Variants in PTPRC observed in about 807,000 individuals in gnomAD.
PTPRC encodes receptor-type tyrosine-protein phosphatase C.
A neutral mutation model predicts 155.9 loss-of-function variants in PTPRC; 44 were observed. That is an observed-to-expected ratio of 0.28 (90% confidence interval 0.22 to 0.36). PTPRC has a LOEUF of 0.36. PTPRC is among the 10% of genes least tolerant of loss of function. The pLI is 1.00. For synonymous variants in PTPRC, 525 were observed against 533.1 expected (o/e 0.98, Z 0.21); for missense variants, 1,401 against 1,564.6 (o/e 0.90, Z 1.76).
Position 198,756,202 on chromosome 1 carries a change from A to ATATTG in PTPRC, c.*21_*22insTATTG. ...CATAGGAAAAGACATAAATGAGGAA[A>ATATTG]CTCCAAACCTCCTGTTAGCTGTTAT... is the stretch of plus-strand genomic sequence containing the variant. On this transcript the variant is annotated 3_prime_UTR_variant, in exon 33 of 33. Transcript: ENST00000442510. 1 of 1,612,402 alleles carries ATATTG rather than the reference A, an allele frequency of 6.2e-7. No individual in the cohort carries two copies. The highest frequency in any genetic ancestry group is 2.2e-5 in the East Asian group (1 of 44,648).
chr1:198,756,057 G>C lies in PTPRC; in HGVS notation c.3797G>C (p.Gly1266Ala), dbSNP rs1558043475. 2 of 1,613,392 alleles carry C rather than the reference G, an allele frequency of 1.2e-6. No individual in the cohort carries two copies. Among genetic ancestry groups the C allele is most frequent in the Admixed American group, 3.3e-5 (2 of 59,888 alleles). Residue 1266 changes from glycine to alanine, a missense_variant, in exon 33 of 33, where the codon GGT becomes GCT. Transcript: ENST00000442510. ...KQDANCVNPLGAPEKLPEAKE... is the reference protein window; with the variant it reads ...KQDANCVNPLAAPEKLPEAKE... ...GATGCTAATTGTGTTAATCCACTTG[G>C]TGCCCCAGAAAAGCTCCCTGAAGCA...
intron 4 of PTPRC, among the ~76,000 whole-genome samples, chr1:198,698,595 T>C (rs1053669252): frequency 6.6e-6 from 1 of 151,980 alleles, no homozygotes; most frequent in African/African-American, 2.4e-5. Context: ...ACAATGACCA[T>C]CCATGTGCAT....
intron 2 of PTPRC, among the ~76,000 whole-genome samples, chr1:198,644,238 C>A (rs1662807873): frequency 6.6e-6 from 1 of 151,724 alleles, no homozygotes; most frequent in Admixed American, 6.6e-5. Context: ...GTCTAAATAT[C>A]TTTGTAAGTA....
chr1:198,696,451 T>G (rs1666208123), intron 3 of PTPRC, among the ~76,000 whole-genome samples: 1 of 152,160 alleles, frequency 6.6e-6, no homozygotes, highest in Admixed American at 6.5e-5. Flanking sequence ...TAGCTTGTTT[T>G]AGATCTGTGT....
chr1:198,742,235 T>C lies in PTPRC; in HGVS notation c.2565T>C (p.Ala855=). The C allele has an allele frequency of 6.2e-7, 1 of 1,612,238 alleles. No individual in the cohort carries two copies. The highest frequency in any genetic ancestry group is 2.2e-5 in the East Asian group (1 of 44,798). The change falls in exon 25 of 33, where the codon GCT becomes GCC. Residue 855 remains alanine (A), a synonymous_variant. Transcript: ENST00000442510. The part of the protein sequence containing the change: ...FSGPIVVHCS[A]GVGRTGTYIG... ...TTTTTTTTGCTTGGTTTGCCAGTGC[T>C]GGTGTTGGGCGCACAGGAACCTATA...
chr1:198,655,489 C>A (rs557356727), intron 2 of PTPRC, among the ~76,000 whole-genome samples: 64 of 151,966 alleles, frequency 4.2e-4, no homozygotes, highest in Non-Finnish European at 8.7e-4. Flanking sequence ...GTTCTGTGGC[C>A]TGATACAATG....
chr1:198,690,554 T>C (rs1423987958), intron 2 of PTPRC, among the ~76,000 whole-genome samples: 1 of 152,110 alleles, frequency 6.6e-6, no homozygotes, highest in East Asian at 1.9e-4. Context: ...CACCCATCAA[T>C]GATATAAAAA....
chr1:198,655,136 A>G (rs1663485736), intron 2 of PTPRC, among the ~76,000 whole-genome samples: 1 of 151,850 alleles, frequency 6.6e-6, no homozygotes, highest in Admixed American at 6.6e-5. Context: ...GGTCTTTACT[A>G]TTTACTGAGA....
At chr1:198,750,672 C>A (rs1028313693) in intron 29 of PTPRC, 46 bp downstream of exon 29, 2 of 1,598,810 alleles carry the variant, frequency 1.3e-6, no homozygotes, top group Non-Finnish European at 1.7e-6. Context: ...TGTCATAAAA[C>A]GTCATTCTCT....
Position 198,712,991 on chromosome 1 carries a change from G to T in PTPRC, c.1210G>T (p.Ala404Ser). Residue 404 changes from alanine to serine, a missense_variant, in exon 12 of 33, where the codon GCT becomes TCT. Ala to Ser is a moderately conservative substitution (Grantham distance 99). This residue lies in a region of PTPRC where 867 missense variants were observed against 970.4 expected (regional missense o/e 0.89). Transcript: ENST00000442510. ...TCAGATTATTTTTTGTAGAAGTGAA[G>T]CTGCACATCAAGGAGTAATTACCTG... ...EPQIIFCRSEAAHQGVITWNP... is the reference protein window; with the variant it reads ...EPQIIFCRSESAHQGVITWNP... 1.9e-6 allele frequency: 3 copies of T among 1,613,680 alleles called. No individual in the cohort carries two copies. Among genetic ancestry groups the T allele is most frequent in the Non-Finnish European group, 2.5e-6 (3 of 1,179,714 alleles).
At chr1:198,751,838 C>T (rs1023938096) in intron 29 of PTPRC, among the ~76,000 whole-genome samples, 9 of 152,052 alleles carry the variant, frequency 5.9e-5, no homozygotes, top group Admixed American at 5.9e-4. Context: ...AGCCTCCTTC[C>T]TCAAGAACCA....
chr1:198,695,035 T>C (rs1666126940), intron 3 of PTPRC: 1 of 949,604 alleles, frequency 1.1e-6, no homozygotes. Flanking sequence ...TATGATCATT[T>C]TGCATTTCTG....
Position 198,707,044 on chromosome 1 carries a change from G to A in PTPRC, c.904+92G>A, listed in dbSNP as rs1653017799. 3 of 1,057,712 alleles carry A rather than the reference G, an allele frequency of 2.8e-6. No homozygotes were observed. The Admixed American group carries it at 5.6e-5, about 20-fold the overall frequency. The allele number at this position is 1,057,712 out of a possible 1,614,324, so 65.5% of individuals were successfully genotyped here. A position where few individuals can be genotyped will look rare whatever the true frequency, so the allele number is the denominator to read the frequency against. On this transcript the variant is annotated intron_variant, in intron 9 of 32. Coordinates refer to ENST00000442510, the MANE Select transcript of PTPRC (RefSeq NM_002838.5). ...CAGTGGTCACAGGAGCTAGTCTGGT[G>A]AGAGAACAGGGCTGAGGGAAAGGAA...
intron 11 of PTPRC, among the ~76,000 whole-genome samples, chr1:198,711,272 A>C (rs1439139835): frequency 6.6e-6 from 1 of 152,218 alleles, no homozygotes; most frequent in Non-Finnish European, 1.5e-5. Flanking sequence ...ATAACTAGAA[A>C]ATTTTAATGT....
intron 8 of PTPRC, among the ~76,000 whole-genome samples, chr1:198,704,960 G>C (rs766323547): frequency 6.6e-6 from 1 of 152,092 alleles, no homozygotes; most frequent in South Asian, 2.1e-4. Context: ...AAGTTTGTTG[G>C]TGAGGGGGAG....
At position 198,706,922 on chromosome 1, in the gene PTPRC, G is replaced by A. The variant is rs1679348723; in HGVS notation, c.874G>A (p.Asp292Asn). 1 of 1,610,472 alleles carries A rather than the reference G, an allele frequency of 6.2e-7. No homozygotes were observed. Among genetic ancestry groups the A allele is most frequent in the Non-Finnish European group, 8.5e-7 (1 of 1,176,860 alleles). ...ATCTCATAATTCATGTACTGCTCCT[G>A]ATAAGACATTAATATTAGATGTGCC... Reference protein sequence around the residue: ...SISHNSCTAPDKTLILDVPPG... With the variant: ...SISHNSCTAPNKTLILDVPPG... Residue 292 changes from aspartate to asparagine, a missense_variant, in exon 9 of 33, where the codon GAT becomes AAT. Physicochemically the swap from Asp to Asn is conservative, Grantham distance 23. Around this residue, in one of 3 missense-constraint regions of PTPRC, gnomAD observed 867 missense variants for 970.4 expected, o/e 0.89. Coordinates refer to ENST00000442510, the MANE Select transcript of PTPRC (RefSeq NM_002838.5).
intron 2 of PTPRC, among the ~76,000 whole-genome samples, chr1:198,687,182 G>T (rs1197778189): frequency 6.6e-6 from 1 of 152,084 alleles, no homozygotes; most frequent in East Asian, 1.9e-4. Flanking sequence ...AAGTAGAGAC[G>T]AGGTTTTGCA....
chr1:198,747,523 A>G (rs1416098632), intron 26 of PTPRC, among the ~76,000 whole-genome samples: 1 of 151,842 alleles, frequency 6.6e-6, no homozygotes, highest in African/African-American at 2.4e-5. Flanking sequence ...GAAGACAAAG[A>G]GGCCAGTTAG....
chr1:198,734,571 T>C (rs1044947896), intron 22 of PTPRC, 146 bp downstream of exon 22: 10 of 772,760 alleles, frequency 1.3e-5, no homozygotes, highest in Non-Finnish European at 2.2e-5. Flanking sequence ...AATTTAAAAT[T>C]TTCATACATG....
Sources: gnomAD v4.1 joint callset for allele counts (sites outside exome capture counted in the v4.1 genomes callset) on GRCh38, gnomAD v4.1.1 for gene constraint, gnomAD v4.1.1 regional missense constraint, MANE v1.5 for transcripts, NCBI Gene and HGNC (gene_info 2026-07-23, HGNC 2026-07-21) for gene names.